Variants in ENOX1 observed in about 807,000 individuals in gnomAD.
ENOX1 encodes ecto-NOX disulfide-thiol exchanger 1, also known as candidate growth-related and time keeping constitutive hydroquinone (NADH) oxidase.
ENOX1 carries 42 observed loss-of-function variants against 82.5 expected under a neutral mutation model. The ratio of observed to expected loss-of-function variants is 0.51; its 90% confidence interval spans 0.40 to 0.66. The LOEUF is 0.66. Among genes scored for constraint, ENOX1 ranks in the 30% least tolerant of loss-of-function variants. The pLI, the probability that ENOX1 is intolerant of heterozygous loss-of-function variation, is 0.00. For missense variants in ENOX1, 608 were observed against 811.6 expected, an observed-to-expected ratio of 0.75 and a Z score of 3.05; for synonymous variants, 271 against 282.2, an observed-to-expected ratio of 0.96 and a Z score of 0.40.
At chr13:43,654,549 G>C (rs750500609) in intron 2 of ENOX1, among the ~76,000 whole-genome samples, 4 of 152,142 alleles carry the variant, frequency 2.6e-5, no homozygotes, top group Non-Finnish European at 4.4e-5. Context: ...CTGGTGGATG[G>C]GTAAGTGCTG....
intron 2 of ENOX1, among the ~76,000 whole-genome samples, chr13:43,525,667 C>T (rs2077959836): frequency 1.3e-5 from 2 of 152,090 alleles, no homozygotes; most frequent in Admixed American, 1.3e-4. Context: ...TGATAGTAGT[C>T]ATCCTAACAG....
chr13:43,470,366 G>GTATATATATGTATATATATA (rs71099835), intron 3 of ENOX1, among the ~76,000 whole-genome samples: 6 of 7,190 alleles, frequency 8.3e-4, no homozygotes, highest in African/African-American at 1.3e-3. Flanking sequence ...ATATATATAC[G>GTATATATATGTATATATATA]TATATATATA....
At chr13:43,698,776 T>C (rs988968931) in intron 1 of ENOX1, among the ~76,000 whole-genome samples, 6 of 152,286 alleles carry the variant, frequency 3.9e-5, no homozygotes, top group Middle Eastern at 3.4e-3. Context: ...ACTAGAGATA[T>C]ATTTATTCAA....
intron 2 of ENOX1, among the ~76,000 whole-genome samples, chr13:43,502,704 C>T (rs1158896794): frequency 1.3e-5 from 2 of 151,370 alleles, no homozygotes; most frequent in Non-Finnish European, 3.0e-5. Context: ...AGAAACTTAC[C>T]TTAACAAAAT....
intron 2 of ENOX1, among the ~76,000 whole-genome samples, chr13:43,577,333 T>C (rs2080482628): frequency 6.6e-6 from 1 of 152,138 alleles, no homozygotes; most frequent in South Asian, 2.1e-4. Context: ...AGTTTCGCCA[T>C]GTTGGCCAGG....
chr13:43,355,523 G>C (rs946196998), intron 8 of ENOX1, among the ~76,000 whole-genome samples: 1 of 152,176 alleles, frequency 6.6e-6, no homozygotes, highest in Non-Finnish European at 1.5e-5. Flanking sequence ...CACTAAGAAC[G>C]CCCCACCAAT....
intron 5 of ENOX1, among the ~76,000 whole-genome samples, chr13:43,363,431 A>T (rs1594152249): frequency 6.6e-6 from 1 of 152,264 alleles, no homozygotes; most frequent in Middle Eastern, 3.4e-3. Flanking sequence ...CTTTACCCTT[A>T]AAAAAATCAA....
At chr13:43,236,809 G>A in intron 14 of ENOX1, 71 bp from the exon 15 acceptor site, 1 of 767,446 alleles carries the variant, frequency 1.3e-6, no homozygotes, top group Non-Finnish European at 2.0e-6. Flanking sequence ...AAAAACACCA[G>A]ATCTCTTAAA....
At chr13:43,690,978 T>C (rs1005548349) in intron 1 of ENOX1, among the ~76,000 whole-genome samples, 2 of 152,184 alleles carry the variant, frequency 1.3e-5, no homozygotes, top group Non-Finnish European at 2.9e-5. Flanking sequence ...CAAAAGAGTA[T>C]GTGAATGCAA....
chr13:43,337,194 C>T (rs1036368675), intron 9 of ENOX1, among the ~76,000 whole-genome samples: 3 of 152,164 alleles, frequency 2.0e-5, no homozygotes, highest in Admixed American at 6.5e-5. Flanking sequence ...TTCAGCACCA[C>T]GTTCCTTTCC....
At chr13:43,749,123 T>G (rs1239126825) in intron 1 of ENOX1, among the ~76,000 whole-genome samples, 2 of 152,226 alleles carry the variant, frequency 1.3e-5, no homozygotes, top group Non-Finnish European at 2.9e-5. Flanking sequence ...CCAACAGTAA[T>G]TATGTAATAG....
rs2045739941 is a variant in ENOX1, at chr13:43,287,086, C to T, written c.1446+11260G>A. 2.6e-5 allele frequency among the ~76,000 whole-genome samples: 4 copies of T among 152,156 alleles called. No individual in the cohort carries two copies. The South Asian group carries it at 8.3e-4, about 31-fold the overall frequency. The stretch of plus-strand genomic sequence containing the variant: ...TGACTCTACATGGTGTACCTGTGCC[C>T]TGGGTCAGTCACCTGACACCTCTAG... On this transcript the variant is annotated intron_variant, in intron 12 of 16. Coordinates refer to ENST00000690772, the MANE Select transcript of ENOX1 (RefSeq NM_001347969.2).
At chr13:43,741,682 C>T (rs1185855823) in intron 1 of ENOX1, among the ~76,000 whole-genome samples, 3 of 152,144 alleles carry the variant, frequency 2.0e-5, no homozygotes, top group Non-Finnish European at 2.9e-5. Context: ...TCTCCCATTT[C>T]GTAGATTGCT....
Position 43,346,324 on chromosome 13 carries a change from C to G in ENOX1, c.824-1574G>C, listed in dbSNP as rs557639816. On this transcript the variant is annotated intron_variant, in intron 8 of 16. Coordinates refer to ENST00000690772, the MANE Select transcript of ENOX1 (RefSeq NM_001347969.2). Reference sequence around the variant, plus strand: ...AAAGAAAGCAGCTTTTAGGGATGTACCCATGCTCAGGCACCATTCTAAGTC... The same window carrying G: ...AAAGAAAGCAGCTTTTAGGGATGTAGCCATGCTCAGGCACCATTCTAAGTC... 2.4e-4 allele frequency among the ~76,000 whole-genome samples: 37 copies of G among 152,256 alleles called. 1 individual carries two copies. The East Asian group carries it at 7.1e-3, about 29-fold the overall frequency.
chr13:43,284,808 GT>G (rs2045595492), intron 12 of ENOX1, among the ~76,000 whole-genome samples: 2 of 137,944 alleles, frequency 1.4e-5, no homozygotes, highest in South Asian at 2.2e-4. Context: ...GTGTGTGTGT[GT>G]GTGTAAGAGA....
intron 2 of ENOX1, among the ~76,000 whole-genome samples, chr13:43,632,599 C>A (rs2083265136): frequency 6.6e-6 from 1 of 151,906 alleles, no homozygotes; most frequent in Admixed American, 6.6e-5. Flanking sequence ...GCGCCTGCCA[C>A]CATGTCCAGC....
intron 1 of ENOX1, among the ~76,000 whole-genome samples, chr13:43,669,755 T>C (rs1477763818): frequency 6.6e-6 from 1 of 152,148 alleles, no homozygotes; most frequent in Non-Finnish European, 1.5e-5. Context: ...CCTAGACTGT[T>C]CCGTTGTAAT....
At chr13:43,242,920 G>A (rs2042907111) in intron 14 of ENOX1, among the ~76,000 whole-genome samples, 1 of 152,158 alleles carries the variant, frequency 6.6e-6, no homozygotes, top group African/African-American at 2.4e-5. Flanking sequence ...TGGATCACTT[G>A]AAGTCAGGAG....
chr13:43,583,016 C>T (rs1011699489), intron 2 of ENOX1, among the ~76,000 whole-genome samples: 26 of 152,148 alleles, frequency 1.7e-4, no homozygotes, highest in African/African-American at 4.1e-4. Context: ...CACACACACA[C>T]GCACGCACAC....
Sources: allele counts gnomAD v4.1 joint callset (sites outside exome capture counted in the v4.1 genomes callset), GRCh38; gene constraint gnomAD v4.1.1; transcripts MANE v1.5; gene names NCBI Gene and HGNC (gene_info 2026-07-23, HGNC 2026-07-21).